ZC3H7B: variants seen among roughly 807,000 people sequenced by gnomAD.
The protein encoded by ZC3H7B is zinc finger CCCH-type containing 7B, also known as zinc finger CCCH domain-containing protein 7B.
In ZC3H7B, 35 loss-of-function variants were observed where a neutral mutation model predicts 116.0. The observed-to-expected ratio is 0.30, with a 90% CI of 0.23 to 0.40. The LOEUF is 0.40. Among genes scored for constraint, ZC3H7B ranks in the 10% least tolerant of loss-of-function variants. The pLI is 1.00. For synonymous variants in ZC3H7B, 502 were observed against 545.6 expected (o/e 0.92, Z 1.11); for missense variants, 1,011 against 1,321.5 (o/e 0.77, Z 3.64).
chr22:41,328,210 C>T (rs2036341381), intron 5 of ZC3H7B, among the ~76,000 whole-genome samples: 1 of 152,132 alleles, frequency 6.6e-6, no homozygotes, highest in African/African-American at 2.4e-5. Flanking sequence ...CAGATCCACA[C>T]CTAGGTCTCA....
intron 1 of ZC3H7B, among the ~76,000 whole-genome samples, chr22:41,306,973 C>CTTT (rs398061942): frequency 7.7e-5 from 10 of 129,050 alleles, no homozygotes; most frequent in Admixed American, 8.1e-5. Context: ...CAGCTCCTTT[C>CTTT]TTTTTTTTTT....
In ZC3H7B at chr22:41,302,788, A is replaced by T. The variant is rs2035988755; in HGVS notation, c.-7+1016A>T. Among the ~76,000 whole-genome samples the T allele has an allele frequency of 6.6e-6, 1 of 151,362 alleles. No homozygotes were observed. Among genetic ancestry groups the T allele is most frequent in the African/African-American group, 2.4e-5 (1 of 41,158 alleles). On this transcript the variant is annotated intron_variant, in intron 1 of 22. Transcript: ENST00000352645. This position sits in a 1 kb window ranked among gnomAD's most constrained non-coding sequence, Gnocchi z 5.7. ...AGAACCTGATGGCTGTATTGCCAAC[A>T]GGGCATTGACGGGGAAGACTAGGGG...
intron 1 of ZC3H7B, among the ~76,000 whole-genome samples, chr22:41,311,480 A>T (rs1844670058): frequency 6.6e-6 from 1 of 152,126 alleles, no homozygotes; most frequent in African/African-American, 2.4e-5. Flanking sequence ...ACACAGAGGC[A>T]TCTAAGCTGG....
intron 7 of ZC3H7B, chr22:41,334,397 G>C (rs550935772): frequency 6.6e-6 from 1 of 152,120 alleles, no homozygotes; most frequent in Non-Finnish European, 1.5e-5. Context: ...GGCCAAGGCC[G>C]CAAAGCCTTG....
chr22:41,322,526 C>A (rs1569233695), intron 2 of ZC3H7B, among the ~76,000 whole-genome samples: 1 of 152,068 alleles, frequency 6.6e-6, no homozygotes, highest in South Asian at 2.1e-4. Flanking sequence ...TTTTTACACA[C>A]AAAATATTTT....
chr22:41,321,893 G>A (rs2036261699), intron 2 of ZC3H7B, among the ~76,000 whole-genome samples: 1 of 127,170 alleles, frequency 7.9e-6, no homozygotes, highest in African/African-American at 3.1e-5. Flanking sequence ...AGGCTGGAGT[G>A]CAGTGGCGGG....
At chr22:41,326,832 A>G (rs929844238) in intron 4 of ZC3H7B, among the ~76,000 whole-genome samples, 2 of 152,184 alleles carry the variant, frequency 1.3e-5, no homozygotes, top group African/African-American at 4.8e-5. Context: ...AGCTGCCTTC[A>G]TGGTCTCACT....
Position 41,320,727 on chromosome 22 carries a change from C to A in ZC3H7B, c.53+14C>A. ...GCAGTTCATTCAGTAAGCCTGCATG[C>A]GGCAGGGGCTGGACGGCTGGGTGGG... is the stretch of plus-strand genomic sequence containing the variant. On this transcript the variant is annotated intron_variant, in intron 2 of 22. Transcript: ENST00000352645. 6.8e-7 allele frequency: 1 copy of A among 1,473,374 alleles called. No homozygotes were observed. Among genetic ancestry groups the A allele is most frequent in the Non-Finnish European group, 9.3e-7 (1 of 1,078,858 alleles). The allele number at this position is 1,473,374 out of a possible 1,614,324, so 91.3% of individuals were successfully genotyped here. A position where few individuals can be genotyped will look rare whatever the true frequency, so the allele number is the denominator to read the frequency against.
At chr22:41,342,240 A>G (rs1313758171) in intron 11 of ZC3H7B, among the ~76,000 whole-genome samples, 7 of 152,044 alleles carry the variant, frequency 4.6e-5, no homozygotes, top group Admixed American at 4.6e-4. Flanking sequence ...ATGCTTTCAC[A>G]TTCAACTTGC....
At chr22:41,340,992 C>A in intron 10 of ZC3H7B, 96 bp from the exon 11 acceptor site, 1 of 1,221,856 alleles carries the variant, frequency 8.2e-7, no homozygotes, top group South Asian at 1.3e-5. Flanking sequence ...GGCCTGGGGG[C>A]TTCTCCGAGT....
intron 1 of ZC3H7B, among the ~76,000 whole-genome samples, chr22:41,310,177 C>T (rs2036100056): frequency 6.6e-6 from 1 of 152,138 alleles, no homozygotes; most frequent in Admixed American, 6.6e-5. Context: ...TGCAGTCCAG[C>T]CTGGGCGACA....
In ZC3H7B at chr22:41,349,816, A is replaced by T. The variant is rs1247561450; in HGVS notation, c.1948+515A>T. Among the ~76,000 whole-genome samples the T allele has an allele frequency of 2.0e-5, 3 of 152,200 alleles. No individual in the cohort carries two copies. The highest frequency in any genetic ancestry group is 7.2e-5 in the African/African-American group (3 of 41,448). On this transcript the variant is annotated intron_variant, in intron 16 of 22. Coordinates refer to ENST00000352645, the MANE Select transcript of ZC3H7B (RefSeq NM_017590.6). This position sits in a 1 kb window ranked among gnomAD's most constrained non-coding sequence, Gnocchi z 4.9. ...CTAGTCGAGGCCCTTACTTTCAGAG[A>T]ACCTACATTTATAAGTGGGGGCCAG...
intron 1 of ZC3H7B, among the ~76,000 whole-genome samples, chr22:41,312,434 T>TTAATAATAA (rs766654717): frequency 1.5e-5 from 2 of 134,598 alleles, no homozygotes; most frequent in South Asian, 2.6e-4. Context: ...AGACCCTGTC[T>TTAATAATAA]TAATGATAAT....
rs777565169 is a variant in ZC3H7B at position 41,327,235 on chromosome 22, C to T, written c.315C>T (p.Ser105=). 3.1e-5 allele frequency: 50 copies of T among 1,613,864 alleles called. No homozygotes were observed. In the South Asian group the frequency reaches 3.2e-4, roughly 10 times the overall value. The change falls in exon 5 of 23, where the codon AGC becomes AGT. Residue 105 remains serine (S), a synonymous_variant. Coordinates refer to ENST00000352645, the MANE Select transcript of ZC3H7B (RefSeq NM_017590.6). This position sits in a 1 kb window ranked among gnomAD's most constrained non-coding sequence, Gnocchi z 4.5. ...MGLYEKALED[S]EKALGLDSES... is the part of the protein sequence containing the mutation. ...TGTATGAGAAGGCGCTGGAGGACAG[C>T]GAGAAGGCGCTGGGCCTGGACAGTG...
intron 1 of ZC3H7B, among the ~76,000 whole-genome samples, chr22:41,305,682 G>C (rs2036032391): frequency 1.3e-5 from 2 of 152,196 alleles, no homozygotes; most frequent in African/African-American, 4.8e-5. Flanking sequence ...GCAGAAAGCA[G>C]AATGGCAGTA....
At chr22:41,345,256 T>C (rs934557614) in intron 13 of ZC3H7B, among the ~76,000 whole-genome samples, 4 of 152,216 alleles carry the variant, frequency 2.6e-5, no homozygotes, top group African/African-American at 4.8e-5. Flanking sequence ...CTCTTAACCA[T>C]GCAGTGTTCT....
intron 13 of ZC3H7B, 101 bp downstream of exon 13, chr22:41,343,677 G>A (rs1666259234): frequency 7.1e-7 from 1 of 1,410,976 alleles, no homozygotes; most frequent in African/African-American, 1.4e-5. Flanking sequence ...AACAGGGGTG[G>A]GCCTCACAGC....
At chr22:41,317,142 G>C (rs1340082748) in intron 1 of ZC3H7B, among the ~76,000 whole-genome samples, 1 of 151,398 alleles carries the variant, frequency 6.6e-6, no homozygotes, top group Non-Finnish European at 1.5e-5. Flanking sequence ...CTGGCCCCCA[G>C]CTAATTTTTA....
Position 41,358,751 on chromosome 22 carries a change from C to CT in ZC3H7B, c.*1322_*1323insT. On this transcript the variant is annotated 3_prime_UTR_variant, in exon 23 of 23. Coordinates refer to ENST00000352645, the MANE Select transcript of ZC3H7B (RefSeq NM_017590.6). ...TCACCAAGGCCTCGCTCGTCCCTCT[C>CT]GTCTGACATGTCTGTGTGCACCCCC... 1 of 155,354 alleles carries CT rather than the reference C, an allele frequency of 6.4e-6. No individual in the cohort carries two copies. The allele number at this position is 155,354 out of a possible 1,614,324, so 9.6% of individuals were successfully genotyped here. A position where few individuals can be genotyped will look rare whatever the true frequency, so the allele number is the denominator to read the frequency against.
Sources: allele counts gnomAD v4.1 joint callset (sites outside exome capture counted in the v4.1 genomes callset), GRCh38; gene constraint gnomAD v4.1.1; non-coding constraint Gnocchi (gnomAD v3.1); transcripts MANE v1.5; gene names NCBI Gene and HGNC (gene_info 2026-07-23, HGNC 2026-07-21).